DLG2: variants seen among roughly 807,000 people sequenced by gnomAD.
The protein encoded by DLG2 is disks large homolog 2.
DLG2 carries 45 observed loss-of-function variants against 132.5 expected under a neutral mutation model. The observed-to-expected ratio is 0.34, with a 90% CI of 0.27 to 0.44. DLG2 has a LOEUF of 0.44. Among genes scored for constraint, DLG2 ranks in the 20% least tolerant of loss-of-function variants. The pLI is 1.00. For synonymous variants in DLG2, 424 were observed against 419.6 expected (o/e 1.01, Z -0.13); for missense variants, 1,045 against 1,196.9 (o/e 0.87, Z 1.87).
intron 7 of DLG2, among the ~76,000 whole-genome samples, chr11:84,522,681 G>A (rs1373613886): frequency 6.6e-6 from 1 of 152,104 alleles, no homozygotes; most frequent in Non-Finnish European, 1.5e-5. Context: ...ATGTTTTCTT[G>A]TACAACATTC....
intron 7 of DLG2, among the ~76,000 whole-genome samples, chr11:84,313,546 A>AGGG (rs1567259312): frequency 1.8e-4 from 8 of 44,210 alleles, no homozygotes; most frequent in African/African-American, 5.4e-4. Flanking sequence ...GGAAGGAAGG[A>AGGG]AGGGAGGGAG....
At chr11:84,873,465 C>T (rs2085821777) in intron 6 of DLG2, among the ~76,000 whole-genome samples, 1 of 152,188 alleles carries the variant, frequency 6.6e-6, no homozygotes, top group Non-Finnish European at 1.5e-5. Flanking sequence ...TTGTTTTAAA[C>T]CACTGAGTTG....
Position 84,785,441 on chromosome 11 carries a change from T to G in DLG2, c.358-250710A>C, listed in dbSNP as rs1424634980. On this transcript the variant is annotated intron_variant, in intron 6 of 27. Coordinates refer to ENST00000376104, the MANE Select transcript of DLG2 (RefSeq NM_001142699.3). ...TATACTTCCATTAGAAGTCACATGA[T>G]GTCTAATTGTCTTTTTATGATGTTG... 2.0e-5 allele frequency among the ~76,000 whole-genome samples: 3 copies of G among 152,092 alleles called. No individual in the cohort carries two copies. The East Asian group carries it at 5.8e-4, about 29-fold the overall frequency.
intron 7 of DLG2, among the ~76,000 whole-genome samples, chr11:84,308,063 C>G (rs1281979832): frequency 6.6e-6 from 1 of 152,150 alleles, no homozygotes; most frequent in Non-Finnish European, 1.5e-5. Flanking sequence ...GCCCCCACAA[C>G]GCAGAAGTAG....
At chr11:85,324,213 AG>A (rs2081280621) in intron 3 of DLG2, among the ~76,000 whole-genome samples, 1 of 152,152 alleles carries the variant, frequency 6.6e-6, no homozygotes, top group Non-Finnish European at 1.5e-5. Context: ...TGAGTTCACC[AG>A]AATTCCTGTC....
intron 3 of DLG2, among the ~76,000 whole-genome samples, chr11:85,479,254 T>C (rs546410252): frequency 4.5e-4 from 68 of 152,304 alleles, no homozygotes; most frequent in African/African-American, 1.2e-3. Context: ...AAGTCCAATA[T>C]CATGGCAAAG....
intron 15 of DLG2, among the ~76,000 whole-genome samples, chr11:83,884,380 G>A (rs568189985): frequency 2.0e-5 from 3 of 152,256 alleles, no homozygotes; most frequent in Non-Finnish European, 2.9e-5. Context: ...AGGCGGCAGC[G>A]AGGCTAGGGG....
At chr11:84,510,116 T>TTAC (rs971727688) in intron 7 of DLG2, among the ~76,000 whole-genome samples, 18 of 150,042 alleles carry the variant, frequency 1.2e-4, no homozygotes, top group Admixed American at 1.1e-3. Context: ...ATTATTATTA[T>TTAC]TATTATTATG....
At position 85,476,683 on chromosome 11, in the gene DLG2, A is replaced by G. The variant is rs1190883197; in HGVS notation, c.40+121974T>C. Among the ~76,000 whole-genome samples, 4 of 152,176 alleles carry G rather than the reference A, an allele frequency of 2.6e-5. No homozygotes were observed. The East Asian group carries it at 7.7e-4, about 29-fold the overall frequency. On this transcript the variant is annotated intron_variant, in intron 3 of 27. Transcript: ENST00000376104. ...GGAACACACACTAACATAGGCCTAC[A>G]TGAGGTCAGGAATATCAGTATCATA...
chr11:84,306,404 G>C (rs1362494983), intron 7 of DLG2, among the ~76,000 whole-genome samples: 1 of 152,252 alleles, frequency 6.6e-6, no homozygotes, highest in Non-Finnish European at 1.5e-5. Flanking sequence ...TGATGCAGGA[G>C]AGGTGTGTCA....
intron 3 of DLG2, among the ~76,000 whole-genome samples, chr11:85,414,203 C>T (rs1008003724): frequency 5.3e-5 from 8 of 151,836 alleles, no homozygotes; most frequent in South Asian, 2.1e-4. Context: ...TCAGCTTTGT[C>T]GTTGTTGGTG....
chr11:85,281,208 CA>C (rs1170173839), intron 4 of DLG2, among the ~76,000 whole-genome samples: 7 of 151,986 alleles, frequency 4.6e-5, no homozygotes, highest in Non-Finnish European at 7.4e-5. Context: ...AAGCTGAATG[CA>C]AACAAGTCGA....
At chr11:84,325,348 T>C (rs1416124178) in intron 7 of DLG2, among the ~76,000 whole-genome samples, 1 of 152,116 alleles carries the variant, frequency 6.6e-6, no homozygotes, top group Non-Finnish European at 1.5e-5. Flanking sequence ...TCTCTAATGC[T>C]ATTCCTCCCC....
At position 85,005,866 on chromosome 11, in the gene DLG2, T is replaced by C. The variant is rs545413742; in HGVS notation, c.357+105795A>G. Among the ~76,000 whole-genome samples, 4 of 152,308 alleles carry C rather than the reference T, an allele frequency of 2.6e-5. No homozygotes were observed. The South Asian group carries it at 8.3e-4, about 32-fold the overall frequency. ...CAGTATGATATTGGCTATGGGTCTG[T>C]CATACATAGCTATTATTTTGAGATA... On this transcript the variant is annotated intron_variant, in intron 6 of 27. Coordinates refer to ENST00000376104, the MANE Select transcript of DLG2 (RefSeq NM_001142699.3).
chr11:84,795,955 C>T (rs2074540556), intron 6 of DLG2, among the ~76,000 whole-genome samples: 1 of 152,192 alleles, frequency 6.6e-6, no homozygotes, highest in Non-Finnish European at 1.5e-5. Flanking sequence ...TTGCGCAGTG[C>T]CTGGACCCCA....
intron 3 of DLG2, among the ~76,000 whole-genome samples, chr11:85,511,451 A>C (rs1358551976): frequency 1.3e-5 from 2 of 152,076 alleles, no homozygotes; most frequent in Non-Finnish European, 2.9e-5. Flanking sequence ...ATTAATTTCA[A>C]GAATTCAATG....
chr11:84,110,943 G>A (rs2093315107), intron 9 of DLG2, among the ~76,000 whole-genome samples: 1 of 152,144 alleles, frequency 6.6e-6, no homozygotes, highest in Non-Finnish European at 1.5e-5. Flanking sequence ...TTTCTTCTGT[G>A]TAGATTTATA....
At chr11:84,202,808 G>A (rs1344483971) in intron 8 of DLG2, among the ~76,000 whole-genome samples, 1 of 152,006 alleles carries the variant, frequency 6.6e-6, no homozygotes, top group East Asian at 1.9e-4. Flanking sequence ...CAAAGTACAA[G>A]AACAGACACT....
intron 7 of DLG2, among the ~76,000 whole-genome samples, chr11:84,353,969 C>T (rs994721115): frequency 6.6e-6 from 1 of 152,128 alleles, no homozygotes; most frequent in Non-Finnish European, 1.5e-5. Context: ...TCCTCCATAG[C>T]ACTTATCAAA....
Sources: allele counts gnomAD v4.1 joint callset (sites outside exome capture counted in the v4.1 genomes callset), GRCh38; gene constraint gnomAD v4.1.1; transcripts MANE v1.5; gene names NCBI Gene and HGNC (gene_info 2026-07-23, HGNC 2026-07-21).